The following NLRP1 variants were observed in gnomAD, a reference collection of about 807,000 sequenced individuals.
NLRP1 encodes the protein NLR family pyrin domain containing 1.
NLRP1 carries 94 observed loss-of-function variants against 136.7 expected under a neutral mutation model. That is an observed-to-expected ratio of 0.69 (90% CI 0.58 to 0.82). The LOEUF is 0.82. NLRP1 is among the 40% of genes least tolerant of loss of function. The pLI, the probability that NLRP1 is intolerant of heterozygous loss-of-function variation, is 0.00. For synonymous variants in NLRP1, 690 were observed against 725.1 expected (o/e 0.95, Z 0.78); for missense variants, 1,575 against 1,802.7 (o/e 0.87, Z 2.29).
At chr17:5,565,141 A>C (rs889576472) in intron 3 of NLRP1, among the ~76,000 whole-genome samples, 25 of 152,096 alleles carry the variant, frequency 1.6e-4, no homozygotes, top group Admixed American at 3.9e-4. Flanking sequence ...CCACACCCTC[A>C]CAAGAATTTG....
chr17:5,513,492 G>T (rs182372222), downstream of NLRP1, among the ~76,000 whole-genome samples: 75 of 152,288 alleles, frequency 4.9e-4, no homozygotes, highest in Admixed American at 2.5e-3. Flanking sequence ...TGTTCGGACG[G>T]TTCAAGTTTA....
intron 4 of NLRP1, among the ~76,000 whole-genome samples, chr17:5,556,379 G>A (rs1914080724): frequency 2.6e-5 from 4 of 151,612 alleles, no homozygotes; most frequent in Admixed American, 6.6e-5. Context: ...CCTTAAACTC[G>A]GGTGGTCCAG....
chr17:5,548,310 C>T (rs990943604), intron 5 of NLRP1, among the ~76,000 whole-genome samples: 1 of 152,188 alleles, frequency 6.6e-6, no homozygotes, highest in Non-Finnish European at 1.5e-5. Flanking sequence ...GTTCCTACCT[C>T]TCTCTTCCCT....
chr17:5,518,858 A>T (rs1452737767), intron 14 of NLRP1, among the ~76,000 whole-genome samples: 6 of 134,150 alleles, frequency 4.5e-5, no homozygotes, highest in African/African-American at 1.5e-4. Context: ...TTTTTTTTTG[A>T]GACAGGGTCT....
At chr17:5,518,449 T>G (rs1330798851) in intron 14 of NLRP1, 1 of 152,506 alleles carries the variant, frequency 6.6e-6, no homozygotes, top group African/African-American at 2.4e-5. Flanking sequence ...GCCTTCAAAA[T>G]CAACCCTGAA....
intron 11 of NLRP1, among the ~76,000 whole-genome samples, chr17:5,531,452 C>T (rs2151756424): frequency 6.6e-6 from 1 of 152,256 alleles, no homozygotes; most frequent in East Asian, 1.9e-4. Flanking sequence ...CTCCTGGACT[C>T]AAGTGATCCT....
chr17:5,522,385 G>A (rs866090255), intron 12 of NLRP1, among the ~76,000 whole-genome samples: 5 of 152,214 alleles, frequency 3.3e-5, no homozygotes, highest in Admixed American at 3.3e-4. Flanking sequence ...ACTCAAGGGA[G>A]CTTGCTTGTC....
At chr17:5,543,404 C>T (rs548573131) in intron 5 of NLRP1, among the ~76,000 whole-genome samples, 4 of 152,096 alleles carry the variant, frequency 2.6e-5, no homozygotes, top group South Asian at 2.1e-4. Flanking sequence ...GTGATGTTAG[C>T]GTAAAGGCTA....
chr17:5,514,700 AAAG>A lies in NLRP1; in HGVS notation c.*51_*53del. 1.3e-6 allele frequency: 2 copies of A among 1,596,188 alleles called. No homozygotes were observed. Among genetic ancestry groups the A allele is most frequent in the Non-Finnish European group, 8.6e-7 (1 of 1,168,092 alleles). On this transcript the variant is annotated 3_prime_UTR_variant, in exon 17 of 17. Transcript: ENST00000572272. ...TTTGCAGAGAAAGAAACTGAGACCC[AAAG>A]AAGGGTCAGCCAAAGCCAGGACTCA...
intron 7 of NLRP1, among the ~76,000 whole-genome samples, chr17:5,538,400 A>G (rs1911384714): frequency 1.3e-5 from 2 of 151,994 alleles, no homozygotes. Context: ...CTTTCCCCAC[A>G]CCATCCCTAG....
chr17:5,517,909 T>A (rs551457068), intron 14 of NLRP1, 22 bp from the exon 15 acceptor site: 1 of 1,613,172 alleles, frequency 6.2e-7, no homozygotes, highest in African/African-American at 1.3e-5. Context: ...AAGAGTTGAG[T>A]TGCCACCCTG....
At chr17:5,526,286 AT>A (rs1909544887) in intron 12 of NLRP1, among the ~76,000 whole-genome samples, 2 of 152,108 alleles carry the variant, frequency 1.3e-5, no homozygotes, top group Non-Finnish European at 2.9e-5. Context: ...CCACTAAGGT[AT>A]TTTGAATATC....
At chr17:5,543,248 T>A (rs979269159) in intron 5 of NLRP1, among the ~76,000 whole-genome samples, 1 of 152,016 alleles carries the variant, frequency 6.6e-6, no homozygotes, top group African/African-American at 2.4e-5. Context: ...GCAAGTCAGG[T>A]GCAGCTGAAG....
downstream of NLRP1, chr17:5,512,290 C>T (rs1468601368): frequency 4.6e-6 from 7 of 1,523,142 alleles, no homozygotes; most frequent in East Asian, 1.6e-4. Context: ...CATTTCTCCA[C>T]AGACAAAACA....
downstream of NLRP1, among the ~76,000 whole-genome samples, chr17:5,510,322 G>A (rs1377186852): frequency 6.6e-6 from 1 of 151,860 alleles, no homozygotes; most frequent in Non-Finnish European, 1.5e-5. Flanking sequence ...GAGTATCTGG[G>A]AATACAGGCA....
chr17:5,577,925 G>C (rs1310368679), intron 3 of NLRP1, among the ~76,000 whole-genome samples: 1 of 152,054 alleles, frequency 6.6e-6, no homozygotes, highest in Non-Finnish European at 1.5e-5. Context: ...TAGACCAATG[G>C]AACAGAACAG....
At chr17:5,536,610 C>T (rs924116373) in intron 8 of NLRP1, among the ~76,000 whole-genome samples, 14 of 152,158 alleles carry the variant, frequency 9.2e-5, no homozygotes, top group African/African-American at 3.4e-4. Flanking sequence ...GCCACCACGC[C>T]TGGCTAATTT....
chr17:5,524,507 G>C (rs532146805), intron 12 of NLRP1, among the ~76,000 whole-genome samples: 1 of 152,200 alleles, frequency 6.6e-6, no homozygotes, highest in Non-Finnish European at 1.5e-5. Flanking sequence ...AAATCAATCA[G>C]TACCAAGGGA....
intron 12 of NLRP1, among the ~76,000 whole-genome samples, chr17:5,523,974 A>C (rs989649101): frequency 2.0e-5 from 3 of 152,148 alleles, no homozygotes; most frequent in African/African-American, 7.2e-5. Context: ...CCGAGGCTGG[A>C]GTACAGTGGT....
Sources: allele counts gnomAD v4.1 joint callset (sites outside exome capture counted in the v4.1 genomes callset), GRCh38; gene constraint gnomAD v4.1.1; transcripts MANE v1.5; gene names NCBI Gene and HGNC (gene_info 2026-07-23, HGNC 2026-07-21).